Variants in NME8 observed in about 807,000 individuals in gnomAD.
NME8 encodes the protein NME/NM23 family member 8.
NME8 carries 72 observed loss-of-function variants against 82.3 expected under a neutral mutation model. The observed-to-expected ratio is 0.87, with a 90% CI of 0.72 to 1.06. NME8 has a LOEUF of 1.06. Ranked by LOEUF, NME8 falls within the 50% of genes least tolerant of loss-of-function variation. The pLI is 0.00. For missense variants in NME8, 712 were observed against 685.4 expected (o/e 1.04, Z -0.43); for synonymous variants, 267 against 228.5 (o/e 1.17, Z -1.52).
intron 6 of NME8, among the ~76,000 whole-genome samples, 184 bp downstream of exon 6, chr7:37,857,529 G>A (rs1332232082): frequency 3.9e-5 from 6 of 152,134 alleles, no homozygotes. Flanking sequence ...ATGGATTGAA[G>A]GGATTAGATG....
chr7:37,857,526 G>A (rs748610824), intron 6 of NME8, among the ~76,000 whole-genome samples, 181 bp downstream of exon 6: 4 of 152,138 alleles, frequency 2.6e-5, no homozygotes, highest in Non-Finnish European at 5.9e-5. Context: ...ATTATGGATT[G>A]AAGGGATTAG....
chr7:37,874,157 G>C (rs554901034), intron 11 of NME8, among the ~76,000 whole-genome samples: 1 of 152,000 alleles, frequency 6.6e-6, no homozygotes, highest in Non-Finnish European at 1.5e-5. Flanking sequence ...TCAAAAATAT[G>C]GGAGGAAAAA....
At position 37,865,489 on chromosome 7, in the gene NME8, A is replaced by C. The variant is rs767970364; in HGVS notation, c.529-36A>C. The C allele has an allele frequency of 4.9e-6, 7 of 1,430,634 alleles. No individual in the cohort carries two copies. The Admixed American group carries it at 1.2e-4, about 24-fold the overall frequency. The allele number at this position is 1,430,634 out of a possible 1,614,324, so 88.6% of individuals were successfully genotyped here. A position where few individuals can be genotyped will look rare whatever the true frequency, so the allele number is the denominator to read the frequency against. ...CTTAACTTGTTTTACATGTGATCCC[A>C]CGACACCTGGATTTGACCTTACTCT... On this transcript the variant is annotated intron_variant, in intron 9 of 17. Transcript: ENST00000199447.
chr7:37,861,962 T>G (rs1374858043), intron 6 of NME8, 66 bp from the exon 7 acceptor site: 2 of 971,894 alleles, frequency 2.1e-6, no homozygotes, highest in Admixed American at 1.7e-5. Context: ...TTAGTCCAGT[T>G]TAAGTGTTAG....
In NME8 at chr7:37,864,346, A is replaced by G. The variant is rs1784642596; in HGVS notation, c.455-2A>G. 2 of 1,594,282 alleles carry G rather than the reference A, an allele frequency of 1.3e-6. No homozygotes were observed. The highest frequency in any genetic ancestry group is 1.7e-4 in the Middle Eastern group (1 of 5,954). ...TCTGTCTTTTTCTAAATTTTTTTCC[A>G]GAGGAATTATACAGTATTGCTATTA... On this transcript the variant is annotated splice_acceptor_variant, in intron 8 of 17. Transcript: ENST00000199447. LOFTEE classifies it high-confidence loss of function.
At chr7:37,863,012 CGGGAGA>C (rs1554362724) in intron 7 of NME8, among the ~76,000 whole-genome samples, 1 of 151,798 alleles carries the variant, frequency 6.6e-6, no homozygotes, top group Non-Finnish European at 1.5e-5. Context: ...CCCAGCTATT[CGGGAGA>C]CTGAGGCAGG....
rs1410249881 is a variant in NME8 at position 37,851,422 on chromosome 7, G to A, written c.198+687G>A. Among the ~76,000 whole-genome samples the A allele has an allele frequency of 5.3e-5, 8 of 152,126 alleles. No individual in the cohort carries two copies. The East Asian group carries it at 1.5e-3, about 29-fold the overall frequency. On this transcript the variant is annotated intron_variant, in intron 5 of 17. Transcript: ENST00000199447. ...TTAAAATCTGGGATAACTTGAGTAT[G>A]TGAATCTACTACTTAACTGTAAATG...
rs201581622 is a variant in NME8, at chr7:37,862,019, C to T, written c.271-9C>T. ...GAAAGTTCCCCTCCTGTTTTCATTT[C>T]CCTTATAGAATGGCAAAATTATCGA... is the stretch of plus-strand genomic sequence containing the variant. On this transcript the variant is annotated splice_polypyrimidine_tract_variant and intron_variant, in intron 6 of 17. Transcript: ENST00000199447. 1.9e-6 allele frequency: 3 copies of T among 1,582,256 alleles called. No individual in the cohort carries two copies. The highest frequency in any genetic ancestry group is 2.2e-5 in the East Asian group (1 of 44,672).
intron 15 of NME8, among the ~76,000 whole-genome samples, chr7:37,892,720 C>T (rs980977927): frequency 2.2e-4 from 34 of 151,912 alleles, no homozygotes; most frequent in African/African-American, 5.8e-4. Flanking sequence ...CTTTGTCTTT[C>T]GTGAGTGCAG....
chr7:37,851,019 A>G (rs2131937996), intron 5 of NME8, among the ~76,000 whole-genome samples: 1 of 152,300 alleles, frequency 6.6e-6, no homozygotes, highest in East Asian at 1.9e-4. Flanking sequence ...ACCTGACCAC[A>G]TGTTCAGTGT....
intron 12 of NME8, among the ~76,000 whole-genome samples, chr7:37,882,584 A>AAAGG: frequency 1.8e-5 from 1 of 55,682 alleles, no homozygotes; most frequent in African/African-American, 7.3e-5. Flanking sequence ...AGAAAGAAAG[A>AAAGG]AAGAAAGAAA....
chr7:37,862,302 A>G (rs1448502480), intron 7 of NME8, among the ~76,000 whole-genome samples, 158 bp downstream of exon 7: 1 of 152,170 alleles, frequency 6.6e-6, no homozygotes. Flanking sequence ...ATGTTATCCT[A>G]AGTTGTTTAA....
chr7:37,856,656 A>G (rs921396), intron 5 of NME8, among the ~76,000 whole-genome samples: 102,674 of 152,096 alleles, frequency 0.68, 34,772 homozygotes, highest in Non-Finnish European at 0.7. Flanking sequence ...CTTGAAATTT[A>G]TGAGAAAATA....
At chr7:37,854,349 G>A (rs572920713) in intron 5 of NME8, among the ~76,000 whole-genome samples, 1 of 152,254 alleles carries the variant, frequency 6.6e-6, no homozygotes, top group East Asian at 1.9e-4. Flanking sequence ...AGGAGGAGAC[G>A]AAGGAAGAGG....
At position 37,852,168 on chromosome 7, in the gene NME8, T is replaced by A. The variant is rs1032778520; in HGVS notation, c.198+1433T>A. Among the ~76,000 whole-genome samples the A allele has an allele frequency of 9.2e-5, 14 of 152,220 alleles. No homozygotes were observed. The East Asian group carries it at 1.2e-3, about 13-fold the overall frequency. ...TAAGGTTTTCATTCCTTTAATTTTTTAAAAAATGTCTTTATATAGATGTTA... is the reference window on the plus strand; with the variant it reads ...TAAGGTTTTCATTCCTTTAATTTTTAAAAAAATGTCTTTATATAGATGTTA... On this transcript the variant is annotated intron_variant, in intron 5 of 17. Coordinates refer to ENST00000199447, the MANE Select transcript of NME8 (RefSeq NM_016616.5).
chr7:37,849,869 CAAAAA>C (rs869133999), intron 2 of NME8, among the ~76,000 whole-genome samples: 2 of 39,892 alleles, frequency 5.0e-5, no homozygotes, highest in Admixed American at 1.8e-4. Flanking sequence ...GACTATGTCT[CAAAAA>C]AAAAAAAAAA....
intron 6 of NME8, among the ~76,000 whole-genome samples, chr7:37,858,913 A>G (rs550106943): frequency 1.8e-4 from 28 of 152,158 alleles, no homozygotes; most frequent in East Asian, 7.7e-4. Flanking sequence ...TTCTCCCTCT[A>G]TTAGTTCATG....
chr7:37,885,563 T>G (rs1583642232), intron 14 of NME8, among the ~76,000 whole-genome samples: 1 of 152,340 alleles, frequency 6.6e-6, no homozygotes, highest in African/African-American at 2.4e-5. Context: ...GAGAAATTCC[T>G]TTGAGAAGGT....
chr7:37,855,678 CAA>C (rs997282578), intron 5 of NME8, among the ~76,000 whole-genome samples: 3 of 152,160 alleles, frequency 2.0e-5, no homozygotes, highest in African/African-American at 7.2e-5. Flanking sequence ...TTAACCTTTT[CAA>C]AAATTATCAA....
Sources: allele counts gnomAD v4.1 joint callset (sites outside exome capture counted in the v4.1 genomes callset), GRCh38; gene constraint gnomAD v4.1.1; transcripts MANE v1.5; gene names NCBI Gene and HGNC (gene_info 2026-07-23, HGNC 2026-07-21).